Variants in KHDRBS2 observed in about 807,000 individuals in gnomAD.
KHDRBS2 encodes KH domain-containing, RNA-binding, signal transduction-associated protein 2.
KHDRBS2 carries 26 observed loss-of-function variants against 44.3 expected under a neutral mutation model. The ratio of observed to expected loss-of-function variants is 0.59; its 90% CI spans 0.43 to 0.81. The LOEUF (loss-of-function observed/expected upper bound fraction) is 0.81. Among genes scored for constraint, KHDRBS2 ranks in the 40% least tolerant of loss-of-function variants. The pLI is 0.00. For missense variants in KHDRBS2, 476 were observed against 433.1 expected, an observed-to-expected ratio of 1.10 and a Z score of -0.88; for synonymous variants, 194 against 151.1, an observed-to-expected ratio of 1.28 and a Z score of -2.08.
intron 4 of KHDRBS2, among the ~76,000 whole-genome samples, chr6:61,906,784 T>C (rs746781031): frequency 6.6e-6 from 1 of 152,202 alleles, no homozygotes; most frequent in Non-Finnish European, 1.5e-5. Flanking sequence ...ACATTTTCTT[T>C]TTTCATTCAT....
intron 3 of KHDRBS2, among the ~76,000 whole-genome samples, chr6:62,030,092 C>T (rs1397705818): frequency 6.6e-6 from 1 of 151,926 alleles, no homozygotes; most frequent in Admixed American, 6.6e-5. Context: ...TTTTCTGGAA[C>T]AGCCACAAGA....
intron 7 of KHDRBS2, among the ~76,000 whole-genome samples, chr6:61,731,775 T>C (rs1414270668): frequency 6.6e-6 from 1 of 152,082 alleles, no homozygotes; most frequent in Non-Finnish European, 1.5e-5. Flanking sequence ...CCTGTGAAAT[T>C]TGTAACACTT....
intron 6 of KHDRBS2, among the ~76,000 whole-genome samples, chr6:61,863,791 A>G (rs1270778839): frequency 6.6e-6 from 1 of 152,170 alleles, no homozygotes; most frequent in Admixed American, 6.5e-5. Flanking sequence ...ATAGATATCT[A>G]TCAGATCCAC....
intron 3 of KHDRBS2, among the ~76,000 whole-genome samples, chr6:61,991,679 C>T (rs1776160405): frequency 1.3e-5 from 2 of 152,038 alleles, no homozygotes; most frequent in African/African-American, 2.4e-5. Flanking sequence ...AGGCCAAATG[C>T]CTCTTTTTGA....
rs140171641 is a variant in KHDRBS2, at chr6:61,959,559, T to TA, written c.483+18506dup. ...CAGGGAAATTGGAAAAGTTAATAGG[T>TA]AAGTCAATTAAGAGTTTCATGAGAT... On this transcript the variant is annotated intron_variant, in intron 4 of 8. Transcript: ENST00000281156. 1.9e-3 allele frequency among the ~76,000 whole-genome samples: 296 copies of TA among 152,252 alleles called. 2 individuals carry two copies. Among genetic ancestry groups the TA allele is most frequent in the African/African-American group, 7.0e-3 (290 of 41,546 alleles).
At chr6:62,064,781 G>C (rs890649895) in intron 2 of KHDRBS2, among the ~76,000 whole-genome samples, 1 of 151,960 alleles carries the variant, frequency 6.6e-6, no homozygotes, top group South Asian at 2.1e-4. Flanking sequence ...ATTGACAAAT[G>C]GGATCTAATT....
chr6:62,198,552 TTGAATAGACCAATAAAGGCTC>T (rs1422546859), intron 1 of KHDRBS2, among the ~76,000 whole-genome samples: 1 of 152,078 alleles, frequency 6.6e-6, no homozygotes, highest in Non-Finnish European at 1.5e-5. Context: ...GTTGAATCTC[TTGAATAGACCAATAAAGGCTC>T]TGAAATTGAG....
chr6:61,560,946 C>T, the KHDRBS2 span, among the ~76,000 whole-genome samples: 2 of 152,006 alleles, frequency 1.3e-5, no homozygotes, highest in East Asian at 1.9e-4. Context: ...CTTGTTTGTA[C>T]CCCTCCTTCT....
chr6:61,661,406 A>AT, the KHDRBS2 span: 1 of 151,890 alleles, frequency 6.6e-6, no homozygotes, highest in Non-Finnish European at 1.5e-5. Flanking sequence ...GCATTGTGCA[A>AT]TTACACATAC....
At chr6:62,179,816 C>A (rs959471767) in intron 1 of KHDRBS2, among the ~76,000 whole-genome samples, 5 of 151,766 alleles carry the variant, frequency 3.3e-5, no homozygotes, top group African/African-American at 1.2e-4. Context: ...AATATCATTT[C>A]CACTGCTATT....
intron 6 of KHDRBS2, among the ~76,000 whole-genome samples, chr6:61,794,566 T>C (rs1304696426): frequency 6.6e-6 from 1 of 152,198 alleles, no homozygotes; most frequent in Non-Finnish European, 1.5e-5. Context: ...TTTTCTTAGT[T>C]AATATTTTTT....
At chr6:61,779,717 A>G (rs531992871) in intron 6 of KHDRBS2, among the ~76,000 whole-genome samples, 1 of 152,302 alleles carries the variant, frequency 6.6e-6, no homozygotes, top group East Asian at 1.9e-4. Flanking sequence ...CTAATATTCA[A>G]TGAGTGTGAC....
At chr6:61,585,163 G>A in the KHDRBS2 span, among the ~76,000 whole-genome samples, 2 of 151,848 alleles carry the variant, frequency 1.3e-5, 1 homozygote, top group South Asian at 4.1e-4. Flanking sequence ...AACCCATTGT[G>A]GATTTGTGCC....
intron 1 of KHDRBS2, among the ~76,000 whole-genome samples, chr6:62,206,410 TG>T (rs1827983687): frequency 1.3e-5 from 2 of 152,096 alleles, no homozygotes; most frequent in African/African-American, 4.8e-5. Context: ...TGTAAATAAA[TG>T]GCATTCTCAG....
At chr6:62,012,966 T>C (rs1780570160) in intron 3 of KHDRBS2, among the ~76,000 whole-genome samples, 1 of 152,144 alleles carries the variant, frequency 6.6e-6, no homozygotes, top group Admixed American at 6.5e-5. Context: ...AACTAGGAAA[T>C]GAACATATGG....
the KHDRBS2 span, among the ~76,000 whole-genome samples, chr6:61,657,612 G>A: frequency 1.3e-5 from 2 of 151,974 alleles, no homozygotes; most frequent in Non-Finnish European, 2.9e-5. Context: ...ATGTTGGTTA[G>A]CAGATAGAGC....
intron 2 of KHDRBS2, among the ~76,000 whole-genome samples, chr6:62,118,859 A>G (rs1806926869): frequency 6.6e-6 from 1 of 152,196 alleles, no homozygotes; most frequent in South Asian, 2.1e-4. Context: ...CACAGACTGA[A>G]GGCTGAACTG....
At chr6:62,125,246 T>C (rs1808681707) in intron 2 of KHDRBS2, among the ~76,000 whole-genome samples, 1 of 152,140 alleles carries the variant, frequency 6.6e-6, no homozygotes, top group East Asian at 1.9e-4. Context: ...TGACTCTGCA[T>C]TGTCACAATA....
chr6:61,583,497 T>C, the KHDRBS2 span, among the ~76,000 whole-genome samples: 3 of 151,762 alleles, frequency 2.0e-5, no homozygotes, highest in African/African-American at 7.2e-5. Context: ...CTCAATGAAT[T>C]ACTTTGACAT....
Sources: gnomAD v4.1 joint callset for allele counts (sites outside exome capture counted in the v4.1 genomes callset) on GRCh38, gnomAD v4.1.1 for gene constraint, MANE v1.5 for transcripts, NCBI Gene and HGNC (gene_info 2026-07-23, HGNC 2026-07-21) for gene names.